The following CNTN4 variants were observed in gnomAD, a reference collection of about 807,000 sequenced individuals.
The protein encoded by CNTN4 is contactin 4.
In CNTN4, 77 loss-of-function variants were observed where a neutral mutation model predicts 122.5. That is an observed-to-expected ratio of 0.63 (90% CI 0.52 to 0.76). The LOEUF (loss-of-function observed/expected upper bound fraction) is 0.76. Ranked by LOEUF, CNTN4 falls within the 30% of genes least tolerant of loss-of-function variation. The probability of loss-of-function intolerance (pLI) is 0.00; values close to 1 mark genes in which losing one functional copy is unlikely to be tolerated. For synonymous variants in CNTN4, 512 were observed against 447.0 expected (o/e 1.15, Z -1.83); for missense variants, 1,256 against 1,259.1 (o/e 1.00, Z 0.04).
intron 2 of CNTN4, among the ~76,000 whole-genome samples, chr3:2,291,434 A>G (rs2042131100): frequency 6.6e-6 from 1 of 152,194 alleles, no homozygotes; most frequent in African/African-American, 2.4e-5. Context: ...CCTAGTTACA[A>G]CTGGTTCCTA....
At chr3:2,168,045 A>G (rs1490087844) in intron 2 of CNTN4, among the ~76,000 whole-genome samples, 2 of 152,112 alleles carry the variant, frequency 1.3e-5, no homozygotes, top group African/African-American at 4.8e-5. Flanking sequence ...AGCCAGGAGG[A>G]TCGCTTGAGT....
chr3:2,728,776 A>G (rs1163467295), intron 4 of CNTN4, among the ~76,000 whole-genome samples: 1 of 152,192 alleles, frequency 6.6e-6, no homozygotes, highest in Non-Finnish European at 1.5e-5. Context: ...CTAAGCTTCT[A>G]TTCAAGCCCT....
At chr3:2,625,064 G>A (rs62232709) in intron 4 of CNTN4, among the ~76,000 whole-genome samples, 1 of 152,124 alleles carries the variant, frequency 6.6e-6, no homozygotes, top group Non-Finnish European at 1.5e-5. Context: ...TGTGGTGAAG[G>A]CTAAATGCAA....
chr3:2,345,949 C>G (rs2044381901), intron 3 of CNTN4, among the ~76,000 whole-genome samples: 1 of 152,126 alleles, frequency 6.6e-6, no homozygotes, highest in African/African-American at 2.4e-5. Context: ...GATTTCCTTT[C>G]TAATTTGTTT....
chr3:2,774,916 G>A (rs1290736547), intron 6 of CNTN4, among the ~76,000 whole-genome samples: 1 of 152,214 alleles, frequency 6.6e-6, no homozygotes, highest in Non-Finnish European at 1.5e-5. Context: ...GGATTCTTAT[G>A]TCAATTCCCT....
intron 3 of CNTN4, among the ~76,000 whole-genome samples, chr3:2,390,403 GT>G (rs1460333366): frequency 1.3e-5 from 2 of 152,020 alleles, no homozygotes; most frequent in African/African-American, 4.8e-5. Context: ...CCTAGTTAAA[GT>G]TTCTATCCAT....
At chr3:2,163,057 AC>A (rs2036033531) in intron 2 of CNTN4, among the ~76,000 whole-genome samples, 1 of 152,214 alleles carries the variant, frequency 6.6e-6, no homozygotes, top group African/African-American at 2.4e-5. Flanking sequence ...AGGTCATGCC[AC>A]TGCACCCCAG....
chr3:2,171,545 A>G (rs2036512418), intron 2 of CNTN4, among the ~76,000 whole-genome samples: 1 of 152,204 alleles, frequency 6.6e-6, no homozygotes, highest in African/African-American at 2.4e-5. Context: ...ATAATTGGAA[A>G]AAGTAGAGCT....
At chr3:2,197,738 A>G (rs2037913017) in intron 2 of CNTN4, among the ~76,000 whole-genome samples, 2 of 152,136 alleles carry the variant, frequency 1.3e-5, no homozygotes, top group Non-Finnish European at 2.9e-5. Flanking sequence ...AATTCTGTCC[A>G]GGCACGGTGG....
At chr3:2,175,270 G>T (rs1481036414) in intron 2 of CNTN4, among the ~76,000 whole-genome samples, 1 of 134,502 alleles carries the variant, frequency 7.4e-6, no homozygotes, top group Non-Finnish European at 1.8e-5. Flanking sequence ...TGTGACCTTG[G>T]ATTTTTTTTT....
At position 2,540,496 on chromosome 3, in the gene CNTN4, C is replaced by T. The variant is rs2077990570; in HGVS notation, c.-88-30920C>T. Reference sequence around the variant, plus strand: ...GTGGGGGAATATCATTTTTTTGGTTCTGCTTCTACTCCAGTACTGGATGCC... The same window carrying T: ...GTGGGGGAATATCATTTTTTTGGTTTTGCTTCTACTCCAGTACTGGATGCC... On this transcript the variant is annotated intron_variant, in intron 3 of 24. Coordinates refer to ENST00000418658, the MANE Select transcript of CNTN4 (RefSeq NM_175607.3). 2.6e-5 allele frequency among the ~76,000 whole-genome samples: 4 copies of T among 152,096 alleles called. No individual in the cohort carries two copies. The South Asian group carries it at 8.3e-4, about 32-fold the overall frequency.
intron 14 of CNTN4, among the ~76,000 whole-genome samples, chr3:3,015,654 C>CCTT (rs745760795): frequency 6.6e-6 from 1 of 152,136 alleles, no homozygotes; most frequent in Non-Finnish European, 1.5e-5. Flanking sequence ...GGGACACTCT[C>CCTT]CTTCTGCTGA....
chr3:2,590,717 C>T (rs529919260), intron 4 of CNTN4, among the ~76,000 whole-genome samples: 9 of 152,018 alleles, frequency 5.9e-5, no homozygotes, highest in East Asian at 3.9e-4. Flanking sequence ...TTCATACCTG[C>T]GATTTACTTT....
At chr3:2,423,487 T>G (rs1267129631) in intron 3 of CNTN4, among the ~76,000 whole-genome samples, 1 of 152,048 alleles carries the variant, frequency 6.6e-6, no homozygotes, top group Non-Finnish European at 1.5e-5. Context: ...CTTGTTTTTT[T>G]TTTTTTTTTC....
chr3:2,524,891 C>T (rs2077346814), intron 3 of CNTN4, among the ~76,000 whole-genome samples: 1 of 152,114 alleles, frequency 6.6e-6, no homozygotes, highest in East Asian at 1.9e-4. Flanking sequence ...CCAGCTCAGC[C>T]TTTTGGAGGC....
At chr3:2,905,050 A>T (rs1039177859) in intron 12 of CNTN4, among the ~76,000 whole-genome samples, 34 of 152,160 alleles carry the variant, frequency 2.2e-4, no homozygotes, top group African/African-American at 8.2e-4. Context: ...TGTACGCATA[A>T]TGGCTTAAAA....
At chr3:2,143,256 T>C (rs1436619229) in intron 2 of CNTN4, among the ~76,000 whole-genome samples, 1 of 152,248 alleles carries the variant, frequency 6.6e-6, no homozygotes, top group Non-Finnish European at 1.5e-5. Context: ...GGTTGTCTTA[T>C]TCTATTTGTG....
At chr3:2,970,750 A>G (rs1692822285) in intron 13 of CNTN4, among the ~76,000 whole-genome samples, 1 of 151,842 alleles carries the variant, frequency 6.6e-6, no homozygotes, top group South Asian at 2.1e-4. Flanking sequence ...CCAGCCAATT[A>G]ACACATATTT....
chr3:2,544,643 T>C (rs1575928451), intron 3 of CNTN4, among the ~76,000 whole-genome samples: 1 of 152,138 alleles, frequency 6.6e-6, no homozygotes, highest in Non-Finnish European at 1.5e-5. Context: ...CTAGATTTTC[T>C]AGTTTGTGTG....
Sources: allele counts gnomAD v4.1 joint callset (sites outside exome capture counted in the v4.1 genomes callset), GRCh38; gene constraint gnomAD v4.1.1; transcripts MANE v1.5; gene names NCBI Gene and HGNC (gene_info 2026-07-23, HGNC 2026-07-21).